INVS: variants seen among roughly 807,000 people sequenced by gnomAD.
INVS encodes the protein inversin.
INVS carries 86 observed loss-of-function variants against 108.8 expected under a neutral mutation model. The ratio of observed to expected loss-of-function variants is 0.79; its 90% confidence interval spans 0.66 to 0.95. The LOEUF (loss-of-function observed/expected upper bound fraction) is 0.95. Among genes scored for constraint, INVS ranks in the 40% least tolerant of loss-of-function variants. INVS has a pLI of 0.00. For synonymous variants in INVS, 455 were observed against 473.5 expected, an observed-to-expected ratio of 0.96 and a Z score of 0.51; for missense variants, 1,169 against 1,297.4, an observed-to-expected ratio of 0.90 and a Z score of 1.52.
chr9:100,284,331 A>G lies in INVS; in HGVS notation c.1796A>G (p.Glu599Gly). 1 of 1,613,266 alleles carries G rather than the reference A, an allele frequency of 6.2e-7. No individual in the cohort carries two copies. The highest frequency in any genetic ancestry group is 8.5e-7 in the Non-Finnish European group (1 of 1,180,044). Residue 599 changes from glutamate to glycine, a missense_variant, in exon 13 of 17, where the codon GAA becomes GGA. This residue lies in a region of INVS where 271 missense variants were observed against 363.8 expected (regional missense o/e 0.74). Coordinates refer to ENST00000262457, the MANE Select transcript of INVS (RefSeq NM_014425.5). ...RKDAAAKKRE[E>G]ENKRKEAEQQ... ...GGCTTTGCTTCCAGAAAGCGAGAGG[A>G]AGAAAACAAACGAAAAGAGGCAGAA...
At chr9:100,263,867 C>G (rs898460659) in intron 10 of INVS, among the ~76,000 whole-genome samples, 2 of 152,032 alleles carry the variant, frequency 1.3e-5, no homozygotes, top group African/African-American at 4.8e-5. Flanking sequence ...TCACTTAGGG[C>G]CCATTTTTCA....
chr9:100,106,011 T>A (rs1334270459), intron 2 of INVS, among the ~76,000 whole-genome samples: 1 of 152,094 alleles, frequency 6.6e-6, no homozygotes, highest in African/African-American at 2.4e-5. Flanking sequence ...CACTCAGTAC[T>A]TACTACTCAT....
intron 3 of INVS, among the ~76,000 whole-genome samples, chr9:100,210,580 G>A (rs950025397): frequency 6.6e-6 from 1 of 152,118 alleles, no homozygotes; most frequent in African/African-American, 2.4e-5. Flanking sequence ...TCTTGGGGAA[G>A]TCACAAGGAA....
At chr9:100,147,778 G>A (rs1828665509) in intron 3 of INVS, among the ~76,000 whole-genome samples, 3 of 152,080 alleles carry the variant, frequency 2.0e-5, no homozygotes, top group South Asian at 2.1e-4. Context: ...AAAGAATGAC[G>A]ATGGTGTCTA....
chr9:100,112,610 AG>A (rs1163032797), intron 2 of INVS, among the ~76,000 whole-genome samples: 1 of 152,068 alleles, frequency 6.6e-6, no homozygotes, highest in Admixed American at 6.5e-5. Flanking sequence ...TATTGGAAGA[AG>A]AATTGTCTTG....
chr9:100,240,796 T>C (rs1361182746), intron 6 of INVS, among the ~76,000 whole-genome samples: 1 of 152,108 alleles, frequency 6.6e-6, no homozygotes, highest in East Asian at 1.9e-4. Flanking sequence ...TCTTTTTTTT[T>C]CCTGCTATCT....
chr9:100,276,348 T>C (rs1190310903), intron 12 of INVS, among the ~76,000 whole-genome samples: 3 of 152,212 alleles, frequency 2.0e-5, no homozygotes, highest in African/African-American at 7.2e-5. Context: ...CTTCAGACTC[T>C]GCAACACACC....
intron 3 of INVS, among the ~76,000 whole-genome samples, chr9:100,146,490 A>G (rs904345258): frequency 2.6e-5 from 4 of 152,170 alleles, no homozygotes; most frequent in Non-Finnish European, 5.9e-5. Flanking sequence ...CACAGGAGAT[A>G]TGATGGCTTA....
At chr9:100,124,644 G>A (rs979991792) in intron 2 of INVS, among the ~76,000 whole-genome samples, 1 of 149,706 alleles carries the variant, frequency 6.7e-6, no homozygotes, top group Non-Finnish European at 1.5e-5. Context: ...TGTTCTATTT[G>A]TTTCATGAGT....
chr9:100,254,045 G>A (rs1040642196), intron 10 of INVS, among the ~76,000 whole-genome samples: 8 of 152,214 alleles, frequency 5.3e-5, no homozygotes, highest in African/African-American at 1.7e-4. Context: ...GTGTAAAAGT[G>A]TTCCTATTTC....
intron 13 of INVS, among the ~76,000 whole-genome samples, chr9:100,286,356 C>A (rs1397155499): frequency 1.3e-5 from 2 of 152,120 alleles, no homozygotes; most frequent in Admixed American, 6.5e-5. Context: ...GAGTTCAAGA[C>A]CAGCCTGGCC....
At chr9:100,270,902 C>A in intron 11 of INVS, among the ~76,000 whole-genome samples, 1 of 144,400 alleles carries the variant, frequency 6.9e-6, no homozygotes, top group African/African-American at 2.6e-5. Flanking sequence ...CCAGCCTGGG[C>A]AACAGAGTGA....
intron 5 of INVS, among the ~76,000 whole-genome samples, chr9:100,235,150 G>T (rs1397021551): frequency 1.3e-5 from 2 of 150,456 alleles, no homozygotes; most frequent in African/African-American, 4.9e-5. Flanking sequence ...ATCTTTGTTG[G>T]TTTAAAGTCT....
chr9:100,260,282 C>A (rs897386489), intron 10 of INVS, among the ~76,000 whole-genome samples: 1 of 144,984 alleles, frequency 6.9e-6, no homozygotes, highest in Non-Finnish European at 1.5e-5. Flanking sequence ...CTCCACCTCC[C>A]AGGTTCAAGC....
chr9:100,131,614 C>A (rs976776014), intron 3 of INVS, among the ~76,000 whole-genome samples: 6 of 152,132 alleles, frequency 3.9e-5, no homozygotes, highest in Non-Finnish European at 1.5e-5. Context: ...TACTATTTCT[C>A]TGACTTCTAC....
chr9:100,167,138 C>T (rs1292633246), intron 3 of INVS, among the ~76,000 whole-genome samples: 1 of 151,146 alleles, frequency 6.6e-6, no homozygotes, highest in Non-Finnish European at 1.5e-5. Context: ...GGCTGGGGTA[C>T]AAGAATCACT....
intron 13 of INVS, among the ~76,000 whole-genome samples, chr9:100,286,374 C>T (rs1443727919): frequency 2.0e-5 from 3 of 152,036 alleles, no homozygotes; most frequent in Non-Finnish European, 2.9e-5. Flanking sequence ...GCCAACTTGG[C>T]GAAACTCCAT....
At position 100,284,300 on chromosome 9, in the gene INVS, T is replaced by C. The variant is rs200028895; in HGVS notation, c.1785-20T>C. On this transcript the variant is annotated intron_variant, in intron 12 of 16. Coordinates refer to ENST00000262457, the MANE Select transcript of INVS (RefSeq NM_014425.5). ...ATACTCTTTAAATTTTTTCATCTTC[T>C]TCTTTGGCTTTGCTTCCAGAAAGCG... 2 of 1,613,146 alleles carry C rather than the reference T, an allele frequency of 1.2e-6. No homozygotes were observed. The highest frequency in any genetic ancestry group is 3.3e-5 in the Admixed American group (2 of 60,032).
intron 10 of INVS, among the ~76,000 whole-genome samples, chr9:100,258,221 A>T (rs1290411390): frequency 6.6e-6 from 1 of 152,054 alleles, no homozygotes; most frequent in East Asian, 1.9e-4. Context: ...TGCATGCCTC[A>T]TGTAGTTCTT....
Sources: allele counts gnomAD v4.1 joint callset (sites outside exome capture counted in the v4.1 genomes callset), GRCh38; gene constraint gnomAD v4.1.1; regional missense constraint gnomAD v4.1.1; transcripts MANE v1.5; gene names NCBI Gene and HGNC (gene_info 2026-07-23, HGNC 2026-07-21).